Variants in CMKLR2 observed in about 807,000 individuals in gnomAD.
The protein encoded by CMKLR2 is chemerin chemokine-like receptor 2, also known as chemerin-like receptor 2.
In CMKLR2, 18 loss-of-function variants were observed where a neutral mutation model predicts 23.0. The ratio of observed to expected loss-of-function variants is 0.78; its 90% CI spans 0.54 to 1.16. The LOEUF is 1.16. Ranked by LOEUF, CMKLR2 falls within the 50% of genes most tolerant of loss-of-function variation. CMKLR2 has a pLI of 0.00. For missense variants in CMKLR2, 401 were observed against 412.7 expected (o/e 0.97, Z 0.25); for synonymous variants, 158 against 158.9 (o/e 0.99, Z 0.05).
At chr2:206,193,598 TG>T (rs1322334660) in intron 1 of CMKLR2, among the ~76,000 whole-genome samples, 2 of 152,212 alleles carry the variant, frequency 1.3e-5, no homozygotes, top group Non-Finnish European at 1.5e-5. Context: ...AACTAAAGCT[TG>T]CATCCTCTTT....
rs1459090172 is a variant in CMKLR2 at position 206,183,788 on chromosome 2, C to G, written c.-28-6513G>C. On this transcript the variant is annotated intron_variant, in intron 1 of 1. Transcript: ENST00000621141. ...GTCCTACTGAGTCCTTGAGTAGACA[C>G]AGTTAACTTTTGAAGACATACTCTT... Among the ~76,000 whole-genome samples the G allele has an allele frequency of 3.3e-5, 5 of 152,300 alleles. No individual in the cohort carries two copies. The East Asian group carries it at 9.6e-4, about 29-fold the overall frequency.
intron 1 of CMKLR2, among the ~76,000 whole-genome samples, chr2:206,196,718 TACTACGTCAGA>T (rs1279467132): frequency 1.3e-5 from 2 of 152,178 alleles, no homozygotes; most frequent in African/African-American, 2.4e-5. Context: ...TTTATTTTAG[TACTACGTCAGA>T]AGTCCACATT....
rs1688214493 is a variant in CMKLR2 at position 206,176,433 on chromosome 2, A to G, written c.815T>C (p.Ile272Thr). 2 of 1,614,092 alleles carry G rather than the reference A, an allele frequency of 1.2e-6. No individual in the cohort carries two copies. Among genetic ancestry groups the G allele is most frequent in the African/African-American group, 2.7e-5 (2 of 74,946 alleles). ...ATGGTGGGAATAGCTATTGTGGTGAATGGTGAGCTCCCAAATGCTAAACAG... is the reference window on the plus strand; with the variant it reads ...ATGGTGGGAATAGCTATTGTGGTGAGTGGTGAGCTCCCAAATGCTAAACAG... ...YHLFSIWELT[I>T]HHNSYSHHVM... Residue 272 changes from isoleucine (I) to threonine (T), a missense_variant, in exon 2 of 2, where the codon ATT becomes ACT. By Grantham distance (89) the Ile-to-Thr change is moderately conservative. Coordinates refer to ENST00000621141, the MANE Select transcript of CMKLR2 (RefSeq NM_001389445.1).
intron 1 of CMKLR2, among the ~76,000 whole-genome samples, chr2:206,196,977 C>T (rs541227454): frequency 3.5e-4 from 54 of 152,192 alleles, no homozygotes; most frequent in African/African-American, 1.2e-3. Flanking sequence ...GGCGTGATCT[C>T]GGCGCACTGC....
intron 1 of CMKLR2, among the ~76,000 whole-genome samples, chr2:206,202,829 C>A (rs16838074): frequency 0.21 from 31,865 of 151,752 alleles, 3,494 homozygotes; most frequent in Admixed American, 0.29. Flanking sequence ...TGGACCTCAG[C>A]TGCTGCCAGC....
At chr2:206,216,761 A>G (rs1260632164), upstream of CMKLR2, among the ~76,000 whole-genome samples, 6 of 152,194 alleles carry the variant, frequency 3.9e-5, no homozygotes, top group African/African-American at 1.4e-4. Context: ...TGTTCTTTTG[A>G]AGATATTACA....
At chr2:206,191,439 G>A (rs1476381607) in intron 1 of CMKLR2, among the ~76,000 whole-genome samples, 1 of 152,122 alleles carries the variant, frequency 6.6e-6, no homozygotes, top group Non-Finnish European at 1.5e-5. Context: ...TGAGAAGGGT[G>A]AGAAGATTTT....
intron 1 of CMKLR2, among the ~76,000 whole-genome samples, chr2:206,196,006 C>A (rs1158152350): frequency 2.0e-5 from 3 of 152,184 alleles, no homozygotes; most frequent in East Asian, 1.9e-4. Context: ...GCATGATTAG[C>A]ATTCTTATCT....
At chr2:206,211,956 C>T (rs1689583832) in intron 1 of CMKLR2, among the ~76,000 whole-genome samples, 1 of 150,688 alleles carries the variant, frequency 6.6e-6, no homozygotes, top group Non-Finnish European at 1.5e-5. Context: ...TATCTACATA[C>T]ATAAAATTAA....
chr2:206,180,823 C>T (rs771757753), intron 1 of CMKLR2, among the ~76,000 whole-genome samples: 5 of 150,066 alleles, frequency 3.3e-5, no homozygotes, highest in Admixed American at 2.7e-4. Context: ...GGTACAATCT[C>T]GTCTCACTGT....
intron 1 of CMKLR2, among the ~76,000 whole-genome samples, chr2:206,183,503 T>C (rs1013986282): frequency 1.3e-5 from 2 of 152,126 alleles, no homozygotes; most frequent in African/African-American, 4.8e-5. Flanking sequence ...TCTATCTGAA[T>C]AGAACACCTT....
In CMKLR2 at chr2:206,176,791, T is replaced by C. The variant is rs372527355; in HGVS notation, c.457A>G (p.Asn153Asp). The C allele has an allele frequency of 1.9e-6, 3 of 1,614,044 alleles. No homozygotes were observed. In the Admixed American group the frequency reaches 5.0e-5, roughly 27 times the overall value. Reference protein sequence around the residue: ...VLSHRHRTLKNSLIVIIFIWL... With the variant: ...VLSHRHRTLKDSLIVIIFIWL... ...ATGAATATAATGACAATCAGAGAGT[T>C]CTTGAGGGTTCGATGCCGATGAGAT... is the stretch of plus-strand genomic sequence containing the variant. The change falls in exon 2 of 2, where the codon AAC becomes GAC. Residue 153 changes from asparagine (N) to aspartate (D), a missense_variant. Asn to Asp is a conservative substitution (Grantham distance 23). Coordinates refer to ENST00000621141, the MANE Select transcript of CMKLR2 (RefSeq NM_001389445.1).
intron 1 of CMKLR2, among the ~76,000 whole-genome samples, chr2:206,193,378 A>G (rs574053595): frequency 1.1e-4 from 17 of 152,300 alleles, no homozygotes; most frequent in African/African-American, 4.1e-4. Flanking sequence ...GGATTACATC[A>G]CACCTGGCCC....
chr2:206,181,292 T>C (rs947894620), intron 1 of CMKLR2, among the ~76,000 whole-genome samples: 21 of 152,026 alleles, frequency 1.4e-4, no homozygotes, highest in African/African-American at 4.8e-4. Context: ...TCTCCTGACC[T>C]CAAGTAATCT....
chr2:206,183,015 A>G (rs905773525), intron 1 of CMKLR2, among the ~76,000 whole-genome samples: 1 of 152,062 alleles, frequency 6.6e-6, no homozygotes, highest in Admixed American at 6.6e-5. Context: ...GGCTCCTGTC[A>G]TGCTGCCCCA....
Position 206,175,979 on chromosome 2 carries a change from T to A in CMKLR2, c.*201A>T, listed in dbSNP as rs1688192126. On this transcript the variant is annotated 3_prime_UTR_variant, in exon 2 of 2. Coordinates refer to ENST00000621141, the MANE Select transcript of CMKLR2 (RefSeq NM_001389445.1). ...AGTATTTTCAGTTTTTTAAAAAAAATTTATTGCCACATCACAAGGAGTCAA... is the reference window on the plus strand; with the variant it reads ...AGTATTTTCAGTTTTTTAAAAAAAAATTATTGCCACATCACAAGGAGTCAA... The A allele has an allele frequency of 2.4e-6, 1 of 414,258 alleles. No homozygotes were observed. The allele number at this position is 414,258 out of a possible 1,614,324, so 25.7% of individuals were successfully genotyped here.
At chr2:206,181,358 C>T (rs1173626606) in intron 1 of CMKLR2, among the ~76,000 whole-genome samples, 1 of 151,662 alleles carries the variant, frequency 6.6e-6, no homozygotes. Flanking sequence ...CCATGCCTGG[C>T]CCTATTATTT....
rs1226692563 is a variant in CMKLR2, at chr2:206,202,309, A to G, written c.-29+10998T>C. ...AAACCCTAAGGTTCTGTTAGGTTCTACTAAGTTTTTTGAAGGGATGGGGTG... is the reference window on the plus strand; with the variant it reads ...AAACCCTAAGGTTCTGTTAGGTTCTGCTAAGTTTTTTGAAGGGATGGGGTG... On this transcript the variant is annotated intron_variant, in intron 1 of 1. Coordinates refer to ENST00000621141, the MANE Select transcript of CMKLR2 (RefSeq NM_001389445.1). Among the ~76,000 whole-genome samples the G allele has an allele frequency of 2.0e-5, 3 of 152,322 alleles. No individual in the cohort carries two copies. In the East Asian group the frequency reaches 5.8e-4, roughly 29 times the overall value.
chr2:206,199,742 C>T (rs1018725234), intron 1 of CMKLR2, among the ~76,000 whole-genome samples: 10 of 151,920 alleles, frequency 6.6e-5, no homozygotes, highest in Non-Finnish European at 8.8e-5. Flanking sequence ...ATTACAGGCA[C>T]CCACCACCAC....
Sources: gnomAD v4.1 joint callset for allele counts (sites outside exome capture counted in the v4.1 genomes callset) on GRCh38, gnomAD v4.1.1 for gene constraint, MANE v1.5 for transcripts, NCBI Gene and HGNC (gene_info 2026-07-23, HGNC 2026-07-21) for gene names.